ARSK: variants seen among roughly 807,000 people sequenced by gnomAD.
ARSK encodes the protein arylsulfatase family member K.
Under a neutral mutation model 53.2 loss-of-function variants are expected in ARSK, and 37 were observed. That is an observed-to-expected ratio of 0.70 (90% CI 0.54 to 0.92). The LOEUF (loss-of-function observed/expected upper bound fraction) is 0.92. Among genes scored for constraint, ARSK ranks in the 40% least tolerant of loss-of-function variants. ARSK has a pLI of 0.00. For missense variants in ARSK, 613 were observed against 643.0 expected, an observed-to-expected ratio of 0.95 and a Z score of 0.51; for synonymous variants, 208 against 223.2, an observed-to-expected ratio of 0.93 and a Z score of 0.61.
rs945300894 is a variant in ARSK, at chr5:95,568,055, A to C, written c.416+6A>C. The C allele has an allele frequency of 4.0e-5, 64 of 1,611,616 alleles. No individual in the cohort carries two copies. Among genetic ancestry groups the C allele is most frequent in the Non-Finnish European group, 5.4e-5 (64 of 1,178,992 alleles). On this transcript the variant is annotated splice_donor_region_variant and intron_variant, in intron 3 of 7. Transcript: ENST00000380009. ...TCAGGACATCACTCCATTAGGTAAA[A>C]ATAAAACAAAAATAATCATCATGGA...
At position 95,566,012 on chromosome 5, in the gene ARSK, A is replaced by G. The variant is rs1301496979; in HGVS notation, c.141A>G (p.Thr47=). 1 of 1,611,266 alleles carries G rather than the reference A, an allele frequency of 6.2e-7. No individual in the cohort carries two copies. The highest frequency in any genetic ancestry group is 8.5e-7 in the Non-Finnish European group (1 of 1,178,942). ...TTTATTTCCAGGATGGAAGGTTAAC[A>G]TTTCATCCAGGAAGTCAGGTAGTGA... is the stretch of plus-strand genomic sequence containing the variant. ...VVSDSFDGRL[T]FHPGSQVVKL... is the part of the protein sequence containing the mutation. Residue 47 remains threonine, a synonymous_variant, in exon 2 of 8, where the codon ACA becomes ACG. Coordinates refer to ENST00000380009, the MANE Select transcript of ARSK (RefSeq NM_198150.3).
chr5:95,599,856 T>C (rs1749368796), intron 6 of ARSK, among the ~76,000 whole-genome samples: 1 of 152,190 alleles, frequency 6.6e-6, no homozygotes, highest in Admixed American at 6.5e-5. Flanking sequence ...TTAAATTAAT[T>C]TTCTTATTCA....
chr5:95,566,392 C>G (rs1748727465), intron 2 of ARSK, among the ~76,000 whole-genome samples: 1 of 152,090 alleles, frequency 6.6e-6, no homozygotes, highest in Non-Finnish European at 1.5e-5. Context: ...GACTAAGAAT[C>G]TTTTGGCCAT....
chr5:95,579,141 A>G (rs1200983804), intron 3 of ARSK, among the ~76,000 whole-genome samples: 1 of 152,200 alleles, frequency 6.6e-6, no homozygotes, highest in Non-Finnish European at 1.5e-5. Flanking sequence ...TTAAAATTTG[A>G]GGATTTCTGC....
At chr5:95,559,130 G>C (rs141470388) in intron 1 of ARSK, among the ~76,000 whole-genome samples, 1,900 of 152,276 alleles carry the variant, frequency 0.012, 45 homozygotes, top group African/African-American at 0.044. Context: ...AAAAGAGCAA[G>C]ACTCCATCTC....
intron 1 of ARSK, among the ~76,000 whole-genome samples, chr5:95,557,412 G>T (rs564297090): frequency 1.9e-4 from 29 of 151,916 alleles, no homozygotes; most frequent in Admixed American, 1.8e-3. Context: ...TATCTTTTTT[G>T]TTTTATGCCA....
intron 7 of ARSK, among the ~76,000 whole-genome samples, chr5:95,602,839 A>G (rs1749426154): frequency 6.6e-6 from 1 of 152,172 alleles, no homozygotes; most frequent in Non-Finnish European, 1.5e-5. Context: ...TTGTCTATAT[A>G]AAGAATTTGT....
intron 3 of ARSK, among the ~76,000 whole-genome samples, chr5:95,582,403 A>G (rs187540565): frequency 4.3e-4 from 66 of 152,270 alleles, no homozygotes; most frequent in African/African-American, 1.5e-3. Flanking sequence ...AGCTCAGATT[A>G]TAGTTAAAAT....
At chr5:95,576,840 T>C (rs1317562360) in intron 3 of ARSK, among the ~76,000 whole-genome samples, 1 of 152,178 alleles carries the variant, frequency 6.6e-6, no homozygotes, top group African/African-American at 2.4e-5. Context: ...ACTCTTTCTC[T>C]ACCTCACAGC....
chr5:95,576,099 G>T (rs1748919737), intron 3 of ARSK, among the ~76,000 whole-genome samples: 2 of 151,922 alleles, frequency 1.3e-5, no homozygotes, highest in Non-Finnish European at 2.9e-5. Context: ...AATCATAAAG[G>T]GATGTTGAAT....
At chr5:95,593,126 T>A (rs919691560) in intron 6 of ARSK, among the ~76,000 whole-genome samples, 1 of 152,168 alleles carries the variant, frequency 6.6e-6, no homozygotes, top group Non-Finnish European at 1.5e-5. Context: ...TACAATTTCC[T>A]TCCTTAATTT....
chr5:95,568,688 G>A (rs1036818069), intron 3 of ARSK, among the ~76,000 whole-genome samples: 5 of 152,188 alleles, frequency 3.3e-5, no homozygotes, highest in African/African-American at 1.2e-4. Context: ...CCTTAGAAAG[G>A]CCTGCTTGGA....
chr5:95,588,863 G>A (rs1461217205), intron 5 of ARSK, among the ~76,000 whole-genome samples: 2 of 152,094 alleles, frequency 1.3e-5, no homozygotes, highest in African/African-American at 2.4e-5. Flanking sequence ...TCAGGAGGCT[G>A]AGGCAGGAGA....
intron 3 of ARSK, among the ~76,000 whole-genome samples, chr5:95,573,156 A>G (rs1344671026): frequency 6.6e-6 from 1 of 152,200 alleles, no homozygotes; most frequent in African/African-American, 2.4e-5. Flanking sequence ...ACTTAAAATA[A>G]TTGCCTACAT....
chr5:95,582,972 G>A lies in ARSK; in HGVS notation c.473G>A (p.Arg158Lys), dbSNP rs754797945. The A allele has an allele frequency of 6.2e-7, 1 of 1,613,172 alleles. No homozygotes were observed. Among genetic ancestry groups the A allele is most frequent in the South Asian group, 1.1e-5 (1 of 90,960 alleles). ...DVAFLLRQEG[R>K]PMVNLIRNRT... is the part of the protein sequence containing the mutation. Reference sequence around the variant, plus strand: ...GCTTTCTTACTCAGACAAGAAGGCAGGCCCATGGTTAATCTTATCCGTAAC... The same window carrying A: ...GCTTTCTTACTCAGACAAGAAGGCAAGCCCATGGTTAATCTTATCCGTAAC... The change falls in exon 4 of 8, where the codon AGG (arginine) becomes AAG (lysine). Residue 158 changes from arginine to lysine, a missense_variant. Physicochemically the swap from Arg to Lys is conservative, Grantham distance 26. Transcript: ENST00000380009.
intron 6 of ARSK, among the ~76,000 whole-genome samples, chr5:95,592,875 T>G (rs1212864499): frequency 6.6e-6 from 1 of 152,086 alleles, no homozygotes; most frequent in African/African-American, 2.4e-5. Context: ...TCTCTTCTGT[T>G]TCTTAGTCAT....
chr5:95,555,397 A>G lies in ARSK; in HGVS notation c.119A>G (p.Asp40Gly). The change falls in exon 1 of 8, where the codon GAC becomes GGC. Residue 40 changes from aspartate to glycine, a missense_variant. By Grantham distance (94) the Asp-to-Gly change is moderately conservative. Coordinates refer to ENST00000380009, the MANE Select transcript of ARSK (RefSeq NM_198150.3). The surrounding 1 kb of genome is among the most constrained non-coding windows in gnomAD (Gnocchi z 4.0). ...CCCAATGTGGTGCTGGTCGTGAGCGACTCCTTCGTAAGTACCGCGAGGCAG... is the reference window on the plus strand; with the variant it reads ...CCCAATGTGGTGCTGGTCGTGAGCGGCTCCTTCGTAAGTACCGCGAGGCAG... ...KAPNVVLVVS[D>G]SFDGRLTFHP... 6.4e-7 allele frequency: 1 copy of G among 1,570,774 alleles called. No homozygotes were observed. Among genetic ancestry groups the G allele is most frequent in the Non-Finnish European group, 8.6e-7 (1 of 1,157,734 alleles).
At chr5:95,582,109 C>A (rs954624231) in intron 3 of ARSK, among the ~76,000 whole-genome samples, 1 of 151,952 alleles carries the variant, frequency 6.6e-6, no homozygotes, top group Admixed American at 6.6e-5. Flanking sequence ...TTTTAAAACA[C>A]TTTTCTCAAT....
At chr5:95,587,656 C>A (rs1749143569) in intron 5 of ARSK, among the ~76,000 whole-genome samples, 1 of 152,136 alleles carries the variant, frequency 6.6e-6, no homozygotes, top group South Asian at 2.1e-4. Context: ...CCTATAATCC[C>A]AGCACTTTGG....
Sources: allele counts gnomAD v4.1 joint callset (sites outside exome capture counted in the v4.1 genomes callset), GRCh38; gene constraint gnomAD v4.1.1; non-coding constraint Gnocchi (gnomAD v3.1); transcripts MANE v1.5; gene names NCBI Gene and HGNC (gene_info 2026-07-23, HGNC 2026-07-21).